The following UNC80 variants were observed in gnomAD, a reference collection of about 807,000 sequenced individuals.
UNC80 encodes unc-80 subunit of NALCN channel complex.
UNC80 carries 164 observed loss-of-function variants against 384.6 expected under a neutral mutation model. The observed-to-expected ratio is 0.43, with a 90% CI of 0.38 to 0.49. UNC80 has a LOEUF of 0.49. Among genes scored for constraint, UNC80 ranks in the 20% least tolerant of loss-of-function variants. The pLI, the probability that UNC80 is intolerant of heterozygous loss-of-function variation, is 0.00. For synonymous variants in UNC80, 1,486 were observed against 1,527.8 expected, an observed-to-expected ratio of 0.97 and a Z score of 0.64; for missense variants, 3,330 against 4,143.0, an observed-to-expected ratio of 0.80 and a Z score of 5.39.
chr2:209,940,766 G>A (rs2091576400), intron 43 of UNC80, among the ~76,000 whole-genome samples: 1 of 152,070 alleles, frequency 6.6e-6, no homozygotes, highest in African/African-American at 2.4e-5. Flanking sequence ...GCAGTGAGCC[G>A]AGATTGCGCC....
chr2:209,831,628 G>A (rs548865565), intron 16 of UNC80, 37 bp downstream of exon 16: 3 of 1,476,422 alleles, frequency 2.0e-6, no homozygotes, highest in East Asian at 5.1e-5. Flanking sequence ...GGAGCTCTCA[G>A]TCTCTGCCCT....
chr2:209,879,018 T>G (rs1188891106), intron 24 of UNC80, among the ~76,000 whole-genome samples: 1 of 152,108 alleles, frequency 6.6e-6, no homozygotes, highest in African/African-American at 2.4e-5. Context: ...TGATCTTCCT[T>G]TCCACGTTCC....
chr2:209,824,271 C>T (rs1430847712), intron 13 of UNC80, among the ~76,000 whole-genome samples: 1 of 152,032 alleles, frequency 6.6e-6, no homozygotes, highest in South Asian at 2.1e-4. Flanking sequence ...AAGTAGGGGT[C>T]CCTGGAAACA....
At chr2:209,842,232 G>A (rs565184578) in intron 20 of UNC80, 118 bp from the exon 21 acceptor site, 15 of 732,836 alleles carry the variant, frequency 2.0e-5, no homozygotes, top group Middle Eastern at 6.2e-4. Flanking sequence ...AGCCAGAAGA[G>A]CAAAGTAATA....
chr2:209,888,764 C>T (rs946427729), intron 26 of UNC80, among the ~76,000 whole-genome samples: 5 of 151,866 alleles, frequency 3.3e-5, no homozygotes, highest in African/African-American at 4.8e-5. Context: ...TACAGGTGCC[C>T]GCCACCACGC....
intron 35 of UNC80, among the ~76,000 whole-genome samples, chr2:209,926,428 C>CTAGGATTA (rs1287463072): frequency 1.3e-5 from 2 of 152,076 alleles, no homozygotes; most frequent in Non-Finnish European, 2.9e-5. Context: ...TTTCTCATTG[C>CTAGGATTA]TAGGATTATG....
chr2:209,913,752 G>C, intron 30 of UNC80, 50 bp from the exon 31 acceptor site: 1 of 1,503,810 alleles, frequency 6.6e-7, no homozygotes, highest in Non-Finnish European at 9.0e-7. Flanking sequence ...GAGAAGTGCA[G>C]TATTCACTGT....
chr2:209,788,061 T>G (rs2077556395), intron 5 of UNC80, among the ~76,000 whole-genome samples: 1 of 152,164 alleles, frequency 6.6e-6, no homozygotes, highest in Non-Finnish European at 1.5e-5. Flanking sequence ...TGTGTCTTGT[T>G]TTTAACCAAA....
intron 56 of UNC80, among the ~76,000 whole-genome samples, chr2:209,975,287 C>T (rs934129387): frequency 6.6e-6 from 1 of 152,174 alleles, no homozygotes; most frequent in Non-Finnish European, 1.5e-5. Flanking sequence ...CCATGGCAGA[C>T]TCCATGGTAA....
chr2:209,881,239 A>G (rs1243886668), intron 25 of UNC80, 145 bp downstream of exon 25: 1 of 897,604 alleles, frequency 1.1e-6, no homozygotes, highest in African/African-American at 1.7e-5. Context: ...ATTTTGAAAC[A>G]TAAAAAGAAA....
intron 25 of UNC80, among the ~76,000 whole-genome samples, chr2:209,884,925 G>A (rs558346646): frequency 2.0e-5 from 3 of 152,112 alleles, no homozygotes; most frequent in South Asian, 2.1e-4. Context: ...GGAGAGCATC[G>A]GGATAAATAG....
At chr2:209,814,241 C>CT (rs966628684) in intron 8 of UNC80, among the ~76,000 whole-genome samples, 157 of 145,422 alleles carry the variant, frequency 1.1e-3, no homozygotes, top group Middle Eastern at 3.6e-3. Flanking sequence ...TTTCCAGTGT[C>CT]TTTTTTTTTT....
chr2:209,928,764 T>C (rs779012092), intron 36 of UNC80, among the ~76,000 whole-genome samples: 25 of 152,186 alleles, frequency 1.6e-4, no homozygotes, highest in Non-Finnish European at 1.5e-4. Context: ...TAAAGAACAC[T>C]GAAACTTATT....
intron 25 of UNC80, among the ~76,000 whole-genome samples, chr2:209,887,192 T>C (rs531337973): frequency 5.2e-4 from 79 of 152,008 alleles, no homozygotes; most frequent in African/African-American, 1.8e-3. Flanking sequence ...ATGCGCCACC[T>C]CGCCCGGCTA....
intron 3 of UNC80, among the ~76,000 whole-genome samples, chr2:209,776,324 G>A (rs1544581): frequency 6.6e-6 from 1 of 152,026 alleles, no homozygotes; most frequent in African/African-American, 2.4e-5. Flanking sequence ...GCTCATGCCT[G>A]TAATCCCACC....
At chr2:209,807,605 C>T (rs907111446) in intron 7 of UNC80, among the ~76,000 whole-genome samples, 7 of 152,042 alleles carry the variant, frequency 4.6e-5, no homozygotes, top group Non-Finnish European at 8.8e-5. Flanking sequence ...CCTCGTGATC[C>T]GCCTGCCTCA....
At chr2:209,814,872 T>A (rs2079618478) in intron 8 of UNC80, among the ~76,000 whole-genome samples, 1 of 152,088 alleles carries the variant, frequency 6.6e-6, no homozygotes. Context: ...ATAGCAGAGT[T>A]AAAAGGAAAT....
chr2:209,819,179 T>C lies in UNC80; in HGVS notation c.1880T>C (p.Ile627Thr), dbSNP rs1266044654. The C allele has an allele frequency of 1.3e-6, 2 of 1,552,150 alleles. No individual in the cohort carries two copies. The highest frequency in any genetic ancestry group is 1.7e-6 in the Non-Finnish European group (2 of 1,147,094). Residue 627 changes from isoleucine to threonine, a missense_variant, in exon 12 of 65, where the codon ATA becomes ACA. By Grantham distance (89) the Ile-to-Thr change is moderately conservative. This residue lies in a region of UNC80 where 937 missense variants were observed against 1,026.8 expected (regional missense o/e 0.91). Coordinates refer to ENST00000673920, the MANE Select transcript of UNC80 (RefSeq NM_001371986.1). ...NLPRSLTDSC[I>T]NYSYLEDTEH... ...CCTCGAAGCCTCACAGACTCCTGCA[T>C]AAACTACAGCTACCTAGAGGACACA...
Position 209,972,306 on chromosome 2 carries a change from G to A in UNC80, c.8362G>A (p.Val2788Ile). 1 of 1,551,638 alleles carries A rather than the reference G, an allele frequency of 6.4e-7. No homozygotes were observed. Among genetic ancestry groups the A allele is most frequent in the Non-Finnish European group, 8.7e-7 (1 of 1,146,838 alleles). The change falls in exon 55 of 65, where the codon GTA becomes ATA. Residue 2788 changes from valine to isoleucine, a missense_variant. Coordinates refer to ENST00000673920, the MANE Select transcript of UNC80 (RefSeq NM_001371986.1). The stretch of plus-strand genomic sequence containing the variant: ...TCTGCTCATCCCATTTGTGCTCACA[G>A]TAGGATCTGGAAGCAAAGGTCTGAT... Reference protein sequence around the residue: ...LNLLIPFVLTVGSGSKDSPWL... With the variant: ...LNLLIPFVLTIGSGSKDSPWL...
Sources: allele counts gnomAD v4.1 joint callset (sites outside exome capture counted in the v4.1 genomes callset), GRCh38; gene constraint gnomAD v4.1.1; regional missense constraint gnomAD v4.1.1; transcripts MANE v1.5; gene names NCBI Gene and HGNC (gene_info 2026-07-23, HGNC 2026-07-21).